The following NDST4 variants were observed in gnomAD, a reference collection of about 807,000 sequenced individuals.
The protein encoded by NDST4 is N-deacetylase and N-sulfotransferase 4.
Under a neutral mutation model 100.8 loss-of-function variants are expected in NDST4, and 63 were observed. The observed-to-expected ratio is 0.62, with a 90% CI of 0.51 to 0.77. The LOEUF (loss-of-function observed/expected upper bound fraction) is 0.77. Ranked by LOEUF, NDST4 falls within the 30% of genes least tolerant of loss-of-function variation. NDST4 has a pLI of 0.00. For synonymous variants in NDST4, 377 were observed against 361.8 expected (o/e 1.04, Z -0.48); for missense variants, 943 against 1,018.4 (o/e 0.93, Z 1.01).
At chr4:115,012,679 C>G (rs1727578083) in intron 2 of NDST4, among the ~76,000 whole-genome samples, 1 of 151,842 alleles carries the variant, frequency 6.6e-6, no homozygotes, top group Non-Finnish European at 1.5e-5. Flanking sequence ...TCCAGAAATC[C>G]CAGTGCTGGG....
rs554967594 is a variant in NDST4 at position 114,972,360 on chromosome 4, A to G, written c.1067-1776T>C. On this transcript the variant is annotated intron_variant, in intron 3 of 13. Coordinates refer to ENST00000264363, the MANE Select transcript of NDST4 (RefSeq NM_022569.3). Reference sequence around the variant, plus strand: ...AAAGGTATAAGGACCTTCAGGTTTAATTAGGGCTTTGGCACCTTCAATGCT... The same window carrying G: ...AAAGGTATAAGGACCTTCAGGTTTAGTTAGGGCTTTGGCACCTTCAATGCT... Among the ~76,000 whole-genome samples the G allele has an allele frequency of 1.1e-4, 16 of 152,128 alleles. No homozygotes were observed. In the South Asian group the frequency reaches 3.3e-3, roughly 32 times the overall value.
At chr4:114,980,025 T>A (rs1048611388) in intron 2 of NDST4, among the ~76,000 whole-genome samples, 3 of 151,400 alleles carry the variant, frequency 2.0e-5, no homozygotes, top group African/African-American at 7.3e-5. Flanking sequence ...CAGAAATAAA[T>A]TTAAAAGAGA....
intron 2 of NDST4, among the ~76,000 whole-genome samples, chr4:114,987,710 C>T (rs1578434224): frequency 1.3e-5 from 2 of 152,318 alleles, no homozygotes; most frequent in South Asian, 4.1e-4. Flanking sequence ...TCTCAACCCA[C>T]ATTAACATAC....
At chr4:114,929,498 C>G (rs1018577187) in intron 6 of NDST4, among the ~76,000 whole-genome samples, 2 of 152,138 alleles carry the variant, frequency 1.3e-5, no homozygotes, top group African/African-American at 4.8e-5. Flanking sequence ...GTCCTGGTCT[C>G]TATCATTTAC....
At chr4:114,831,962 T>G (rs1723209913) in intron 12 of NDST4, among the ~76,000 whole-genome samples, 1 of 152,242 alleles carries the variant, frequency 6.6e-6, no homozygotes, top group East Asian at 1.9e-4. Flanking sequence ...GTTTGAGTTT[T>G]TTTTATTCTA....
chr4:115,049,383 T>C (rs1040569452), intron 2 of NDST4, among the ~76,000 whole-genome samples: 5 of 152,026 alleles, frequency 3.3e-5, no homozygotes, highest in Admixed American at 6.6e-5. Context: ...GATTCTGTCA[T>C]TGATTAGCTT....
intron 2 of NDST4, among the ~76,000 whole-genome samples, chr4:115,012,467 C>G (rs1171878727): frequency 6.6e-6 from 1 of 151,922 alleles, no homozygotes; most frequent in Non-Finnish European, 1.5e-5. Context: ...CTTAAGTGAC[C>G]TCACTTGTGC....
Position 114,990,156 on chromosome 4 carries a change from A to T in NDST4, c.979-12882T>A, listed in dbSNP as rs866386637. Among the ~76,000 whole-genome samples, 1,111 of 152,278 alleles carry T rather than the reference A, an allele frequency of 7.3e-3. 9 individuals are homozygous for T. The highest frequency in any genetic ancestry group is 0.023 in the African/African-American group (972 of 41,566). ...GCAAAATAACTATCCTAATTCTTTTAAAATTTAAGAAGCATAGTAGATACA... is the reference window on the plus strand; with the variant it reads ...GCAAAATAACTATCCTAATTCTTTTTAAATTTAAGAAGCATAGTAGATACA... On this transcript the variant is annotated intron_variant, in intron 2 of 13. Coordinates refer to ENST00000264363, the MANE Select transcript of NDST4 (RefSeq NM_022569.3).
intron 1 of NDST4, among the ~76,000 whole-genome samples, chr4:115,092,912 G>T (rs1422420713): frequency 6.6e-6 from 1 of 152,088 alleles, no homozygotes; most frequent in Admixed American, 6.6e-5. Context: ...ACAAAAATTT[G>T]CAGATTGACT....
intron 4 of NDST4, among the ~76,000 whole-genome samples, chr4:114,947,746 C>T (rs963575034): frequency 6.6e-6 from 1 of 150,776 alleles, no homozygotes; most frequent in African/African-American, 2.5e-5. Context: ...ATAATTTTGT[C>T]TTAAGTAACG....
intron 1 of NDST4, among the ~76,000 whole-genome samples, chr4:115,089,195 C>A (rs913850111): frequency 2.2e-4 from 34 of 151,932 alleles, no homozygotes; most frequent in African/African-American, 8.0e-4. Flanking sequence ...GGAGTCTGAA[C>A]TTCAGTTTCT....
At chr4:114,958,359 T>C (rs191837776) in intron 4 of NDST4, among the ~76,000 whole-genome samples, 2 of 147,888 alleles carry the variant, frequency 1.4e-5, no homozygotes, top group African/African-American at 5.3e-5. Flanking sequence ...GAGTCACCTT[T>C]ATTACAGTTT....
intron 2 of NDST4, among the ~76,000 whole-genome samples, chr4:115,073,239 T>A (rs148673652): frequency 6.6e-6 from 1 of 151,926 alleles, no homozygotes; most frequent in African/African-American, 2.4e-5. Flanking sequence ...GTATAGCCAC[T>A]ATGGAAAACA....
intron 2 of NDST4, among the ~76,000 whole-genome samples, chr4:114,989,686 G>A (rs1726993902): frequency 6.6e-6 from 1 of 152,136 alleles, no homozygotes; most frequent in South Asian, 2.1e-4. Context: ...ACATGTAGAG[G>A]AGAAAAACAG....
At position 114,882,162 on chromosome 4, in the gene NDST4, G is replaced by A. The variant is rs545452338; in HGVS notation, c.1537-11212C>T. The stretch of plus-strand genomic sequence containing the variant: ...GATTTTTTTTTTTTTTTAGTTTTTA[G>A]TTTTCCTCTGGATCAAACTTAGCTT... On this transcript the variant is annotated intron_variant, in intron 6 of 13. Transcript: ENST00000264363. Among the ~76,000 whole-genome samples the A allele has an allele frequency of 1.9e-4, 27 of 145,744 alleles. No individual in the cohort carries two copies. In the South Asian group the frequency reaches 5.9e-3, roughly 32 times the overall value.
chr4:115,064,020 G>A (rs530108172), intron 2 of NDST4, among the ~76,000 whole-genome samples: 3 of 151,918 alleles, frequency 2.0e-5, no homozygotes, highest in East Asian at 1.9e-4. Context: ...AGCACTTAAC[G>A]TTAGTATTAG....
chr4:114,899,869 T>C (rs1249671868), intron 6 of NDST4, among the ~76,000 whole-genome samples: 2 of 152,234 alleles, frequency 1.3e-5, no homozygotes, highest in African/African-American at 4.8e-5. Flanking sequence ...TAGAAAGTAC[T>C]CCCTCTGCTT....
chr4:115,093,775 GAT>G (rs1383380493), intron 1 of NDST4, among the ~76,000 whole-genome samples: 4 of 151,912 alleles, frequency 2.6e-5, no homozygotes, highest in Non-Finnish European at 5.9e-5. Context: ...TTATAAATAA[GAT>G]ATGAGTAAAA....
At chr4:114,905,570 C>T (rs1035521379) in intron 6 of NDST4, among the ~76,000 whole-genome samples, 43 of 151,872 alleles carry the variant, frequency 2.8e-4, no homozygotes, top group African/African-American at 9.9e-4. Flanking sequence ...ATTTCAATAG[C>T]AACATTTTAA....
Sources: allele counts gnomAD v4.1 joint callset (sites outside exome capture counted in the v4.1 genomes callset), GRCh38; gene constraint gnomAD v4.1.1; transcripts MANE v1.5; gene names NCBI Gene and HGNC (gene_info 2026-07-23, HGNC 2026-07-21).